The following SOX6 variants were observed in gnomAD, a reference collection of about 807,000 sequenced individuals.
The protein encoded by SOX6 is SRY-box transcription factor 6.
In SOX6, 11 loss-of-function variants were observed where a neutral mutation model predicts 97.8. That is an observed-to-expected ratio of 0.11 (90% confidence interval 0.07 to 0.19). The LOEUF (loss-of-function observed/expected upper bound fraction) is 0.19, where lower values mean the gene tolerates loss of function less well. Ranked by LOEUF, SOX6 falls within the 10% of genes least tolerant of loss-of-function variation. SOX6 has a pLI of 1.00. For missense variants in SOX6, 810 were observed against 1,039.5 expected (o/e 0.78, Z 3.04); for synonymous variants, 360 against 371.4 (o/e 0.97, Z 0.35).
chr11:16,189,127 A>G (rs1851562168), intron 4 of SOX6, among the ~76,000 whole-genome samples: 2 of 152,222 alleles, frequency 1.3e-5, no homozygotes, highest in Non-Finnish European at 2.9e-5. Context: ...GTAAATGTAA[A>G]CTACAACTAC....
At chr11:16,510,002 T>C (rs902174401) in intron 4 of SOX6, among the ~76,000 whole-genome samples, 2 of 152,084 alleles carry the variant, frequency 1.3e-5, no homozygotes, top group African/African-American at 4.8e-5. Flanking sequence ...TTTCAGTTAA[T>C]CTTATATCTG....
At chr11:16,168,207 T>C (rs1214822249) in intron 6 of SOX6, among the ~76,000 whole-genome samples, 1 of 152,138 alleles carries the variant, frequency 6.6e-6, no homozygotes, top group Non-Finnish European at 1.5e-5. Context: ...AAGAGGTATT[T>C]TGAGGTAAAT....
intron 6 of SOX6, among the ~76,000 whole-genome samples, chr11:16,154,125 C>T (rs1850534357): frequency 6.6e-6 from 1 of 151,996 alleles, no homozygotes; most frequent in Non-Finnish European, 1.5e-5. Context: ...TATGTTTTGA[C>T]GTTGGACAAA....
chr11:16,244,299 A>G (rs1853274148), intron 3 of SOX6, among the ~76,000 whole-genome samples: 1 of 151,818 alleles, frequency 6.6e-6, no homozygotes, highest in African/African-American at 2.4e-5. Flanking sequence ...CTTTTTGACC[A>G]TTCATATATA....
intron 12 of SOX6, among the ~76,000 whole-genome samples, chr11:16,033,184 G>T (rs1452080412): frequency 1.3e-5 from 2 of 152,168 alleles, no homozygotes; most frequent in African/African-American, 4.8e-5. Context: ...AACGCTCTGT[G>T]ACGTCATGTG....
chr11:16,218,646 T>A (rs767053379), intron 4 of SOX6, among the ~76,000 whole-genome samples: 38 of 152,134 alleles, frequency 2.5e-4, no homozygotes, highest in Admixed American at 2.3e-3. Flanking sequence ...ATTACTATTA[T>A]ATGAAAAAAC....
intron 3 of SOX6, among the ~76,000 whole-genome samples, chr11:16,244,934 C>T (rs554824071): frequency 1.3e-4 from 19 of 151,842 alleles, no homozygotes; most frequent in Middle Eastern, 3.4e-3. Flanking sequence ...GTTTTGGCTA[C>T]GCTAGGTCCT....
intron 4 of SOX6, among the ~76,000 whole-genome samples, chr11:16,507,084 A>G (rs1420896330): frequency 6.6e-6 from 1 of 151,916 alleles, no homozygotes; most frequent in Non-Finnish European, 1.5e-5. Context: ...ATAATAATAA[A>G]TACAATAAAA....
intron 4 of SOX6, among the ~76,000 whole-genome samples, chr11:16,524,740 C>T (rs1372913206): frequency 2.0e-5 from 3 of 152,184 alleles, no homozygotes; most frequent in Non-Finnish European, 2.9e-5. Flanking sequence ...ACCCCATTGT[C>T]TCAGCCCAAA....
At chr11:16,161,317 T>C (rs1181494095) in intron 6 of SOX6, among the ~76,000 whole-genome samples, 1 of 148,620 alleles carries the variant, frequency 6.7e-6, no homozygotes, top group East Asian at 2.0e-4. Context: ...ATGAATTTGA[T>C]ATATATATAT....
At chr11:16,355,761 T>C (rs151293278) in intron 1 of SOX6, among the ~76,000 whole-genome samples, 1 of 152,076 alleles carries the variant, frequency 6.6e-6, no homozygotes, top group Non-Finnish European at 1.5e-5. Context: ...AGGGAATCTA[T>C]GATTCCTCAT....
At chr11:16,583,606 T>TATATATAC (rs747713750) in intron 4 of SOX6, among the ~76,000 whole-genome samples, 10,375 of 80,168 alleles carry the variant, frequency 0.13, 802 homozygotes, top group Non-Finnish European at 0.17. Flanking sequence ...TATATGTGTA[T>TATATATAC]ATATATACAT....
chr11:16,599,004 T>C (rs1379843949), intron 4 of SOX6, among the ~76,000 whole-genome samples: 2 of 152,174 alleles, frequency 1.3e-5, no homozygotes, highest in Admixed American at 6.5e-5. Context: ...CACTGTAATA[T>C]GCACATCACA....
At chr11:16,514,517 TATATA>T (rs1565168361) in intron 4 of SOX6, among the ~76,000 whole-genome samples, 1 of 152,048 alleles carries the variant, frequency 6.6e-6, no homozygotes, top group Non-Finnish European at 1.5e-5. Flanking sequence ...AAATAGATAA[TATATA>T]ATATTTATTG....
chr11:16,166,316 C>T (rs1181677000), intron 6 of SOX6, among the ~76,000 whole-genome samples: 3 of 152,158 alleles, frequency 2.0e-5, no homozygotes, highest in Admixed American at 6.5e-5. Context: ...AAGTTTCCAA[C>T]ATTCTGTTTA....
intron 4 of SOX6, among the ~76,000 whole-genome samples, chr11:16,570,195 G>A (rs1847922789): frequency 6.6e-6 from 1 of 152,046 alleles, no homozygotes; most frequent in Admixed American, 6.5e-5. Context: ...TCTAGCAATT[G>A]ATCGTATACT....
At chr11:16,125,816 TAGGAAGGA>T (rs3085337) in intron 6 of SOX6, among the ~76,000 whole-genome samples, 13,475 of 99,578 alleles carry the variant, frequency 0.14, 887 homozygotes, top group African/African-American at 0.17. Context: ...AAAGAAATCA[TAGGAAGGA>T]AGGAAGGAAG....
Position 16,613,859 on chromosome 11 carries a change from G to A in SOX6, n.430-1599C>T, listed in dbSNP as rs923029298. 1.1e-4 allele frequency among the ~76,000 whole-genome samples: 16 copies of A among 152,156 alleles called. No individual in the cohort carries two copies. The highest frequency in any genetic ancestry group is 2.1e-4 in the Non-Finnish European group (14 of 68,020). On this transcript the variant is annotated intron_variant and non_coding_transcript_variant, in intron 3 of 5. Transcript: ENST00000524520. The surrounding 1 kb of genome is among the most constrained non-coding windows in gnomAD (Gnocchi z 4.6). Reference sequence around the variant, plus strand: ...TCGAGGGGAAGACTGCGCCCAGCTAGGGGCTGTAGAGACGAACCCAGCTGA... The same window carrying A: ...TCGAGGGGAAGACTGCGCCCAGCTAAGGGCTGTAGAGACGAACCCAGCTGA...
intron 3 of SOX6, among the ~76,000 whole-genome samples, chr11:16,263,258 A>C (rs1167793318): frequency 6.6e-6 from 1 of 151,944 alleles, no homozygotes; most frequent in African/African-American, 2.4e-5. Flanking sequence ...CCTAATTTAT[A>C]GTTTCCCAAA....
Sources: allele counts gnomAD v4.1 joint callset (sites outside exome capture counted in the v4.1 genomes callset), GRCh38; gene constraint gnomAD v4.1.1; non-coding constraint Gnocchi (gnomAD v3.1); transcripts MANE v1.5; gene names NCBI Gene and HGNC (gene_info 2026-07-23, HGNC 2026-07-21).